HIKESHI: variants seen among roughly 807,000 people sequenced by gnomAD.
HIKESHI encodes the protein protein Hikeshi.
Under a neutral mutation model 25.7 loss-of-function variants are expected in HIKESHI, and 13 were observed. The observed-to-expected ratio is 0.51, with a 90% confidence interval of 0.33 to 0.80. The LOEUF (loss-of-function observed/expected upper bound fraction) is 0.80. HIKESHI is among the 30% of genes least tolerant of loss of function. The probability of loss-of-function intolerance (pLI) is 0.02; values close to 1 mark genes in which losing one functional copy is unlikely to be tolerated. For missense variants in HIKESHI, 174 were observed against 229.5 expected (o/e 0.76, Z 1.56); for synonymous variants, 76 against 78.7 (o/e 0.97, Z 0.18).
chr11:86,305,540 C>T (rs1946601125), intron 1 of HIKESHI, among the ~76,000 whole-genome samples: 1 of 151,708 alleles, frequency 6.6e-6, no homozygotes, highest in South Asian at 2.1e-4. Context: ...GCACGTGCCA[C>T]CACGCTTGGC....
chr11:86,310,613 G>A (rs576618061), intron 2 of HIKESHI, among the ~76,000 whole-genome samples: 43 of 152,310 alleles, frequency 2.8e-4, no homozygotes, highest in African/African-American at 1.0e-3. Flanking sequence ...AATAGGAGGG[G>A]TGAGAGAGGG....
intron 4 of HIKESHI, 188 bp downstream of exon 4, chr11:86,344,909 A>G (rs988598290): frequency 4.1e-5 from 22 of 533,968 alleles, no homozygotes; most frequent in Non-Finnish European, 6.6e-5. Flanking sequence ...ATTTTGTTAT[A>G]TTGTCGCCAT....
intron 3 of HIKESHI, among the ~76,000 whole-genome samples, chr11:86,339,275 C>T (rs1947656429): frequency 6.6e-6 from 1 of 152,196 alleles, no homozygotes; most frequent in South Asian, 2.1e-4. Context: ...GTCTCGATCT[C>T]CTGACCTCGT....
intron 2 of HIKESHI, among the ~76,000 whole-genome samples, chr11:86,317,038 C>T (rs541070894): frequency 5.9e-5 from 9 of 151,972 alleles, no homozygotes; most frequent in Middle Eastern, 3.4e-3. Flanking sequence ...GTGATCCACC[C>T]GTCTTGGCCT....
rs1201938172 is a variant in HIKESHI, at chr11:86,307,391, TG to T, written c.268+910del. On this transcript the variant is annotated intron_variant, in intron 2 of 4. Transcript: ENST00000278483. The stretch of plus-strand genomic sequence containing the variant: ...ATATACATTATATATCAATATATTA[TG>T]TGTAATATACATTATATATCAATAT... 1.6e-5 allele frequency among the ~76,000 whole-genome samples: 2 copies of T among 125,694 alleles called. 1 individual carries two copies. Among genetic ancestry groups the T allele is most frequent in the Non-Finnish European group, 3.2e-5 (2 of 63,096 alleles). The allele number at this position is 125,694 out of a possible 152,430, so 82.5% of individuals were successfully genotyped here. A position where few individuals can be genotyped will look rare whatever the true frequency, so the allele number is the denominator to read the frequency against.
chr11:86,303,017 G>C (rs148545877), intron 1 of HIKESHI, among the ~76,000 whole-genome samples: 8 of 152,244 alleles, frequency 5.3e-5, no homozygotes, highest in African/African-American at 1.9e-4. Flanking sequence ...AATTTAATTG[G>C]AAGTTGGCTG....
At chr11:86,311,476 G>A (rs552852261) in intron 2 of HIKESHI, among the ~76,000 whole-genome samples, 1 of 152,064 alleles carries the variant, frequency 6.6e-6, no homozygotes, top group South Asian at 2.1e-4. Context: ...TCTTGCTAGT[G>A]GTCTATGTAT....
At chr11:86,326,911 G>A (rs569878699) in intron 2 of HIKESHI, among the ~76,000 whole-genome samples, 208 of 152,148 alleles carry the variant, frequency 1.4e-3, no homozygotes, top group Non-Finnish European at 2.0e-3. Context: ...TTGTAAGCAA[G>A]TGTTTGAGCA....
chr11:86,309,729 T>C (rs988968415), intron 2 of HIKESHI, among the ~76,000 whole-genome samples: 39 of 152,214 alleles, frequency 2.6e-4, no homozygotes, highest in African/African-American at 8.9e-4. Flanking sequence ...CTTTAATCTA[T>C]CCTGAATTAA....
intron 1 of HIKESHI, among the ~76,000 whole-genome samples, chr11:86,305,774 C>G (rs1054163215): frequency 6.6e-6 from 1 of 151,446 alleles, no homozygotes; most frequent in Non-Finnish European, 1.5e-5. Flanking sequence ...CAGTTTTGCT[C>G]TTGTTGCCCA....
Position 86,307,635 on chromosome 11 carries a change from CATTATATATA to C in HIKESHI, c.268+1155_268+1164del, listed in dbSNP as rs1565719459. On this transcript the variant is annotated intron_variant, in intron 2 of 4. Transcript: ENST00000278483. ...TAAAATATATATTATGTGTAGTATA[CATTATATATA>C]AAATATATATTATGTGTAGTATACA... Among the ~76,000 whole-genome samples the C allele has an allele frequency of 3.3e-3, 300 of 90,658 alleles. 46 individuals are homozygous for C. The highest frequency in any genetic ancestry group is 6.5e-3 in the African/African-American group (162 of 24,982). 59.5% of individuals were successfully genotyped at this position (90,658 alleles called of 152,430 possible). A position where few individuals can be genotyped will look rare whatever the true frequency, so the allele number is the denominator to read the frequency against.
chr11:86,310,597 A>G (rs972798738), intron 2 of HIKESHI, among the ~76,000 whole-genome samples: 10 of 152,150 alleles, frequency 6.6e-5, no homozygotes, highest in African/African-American at 2.4e-4. Flanking sequence ...TTCCAACACT[A>G]TGTTGAATAG....
intron 3 of HIKESHI, among the ~76,000 whole-genome samples, chr11:86,341,445 T>C (rs139287251): frequency 2.7e-4 from 41 of 152,184 alleles, no homozygotes; most frequent in Admixed American, 2.1e-3. Context: ...TTTAAACATA[T>C]CAGTTTCAAA....
At chr11:86,334,244 G>A (rs1947489709) in intron 2 of HIKESHI, among the ~76,000 whole-genome samples, 1 of 97,840 alleles carries the variant, frequency 1.0e-5, no homozygotes, top group African/African-American at 5.2e-5. Flanking sequence ...ATATGTGTGT[G>A]TGTGTGTGTG....
At chr11:86,344,833 T>C in intron 4 of HIKESHI, 112 bp downstream of exon 4, 1 of 758,382 alleles carries the variant, frequency 1.3e-6, no homozygotes, top group Admixed American at 2.2e-5. Flanking sequence ...ATTGTGAACA[T>C]CAGCACTGCA....
At chr11:86,337,744 G>T (rs369678376) in intron 3 of HIKESHI, among the ~76,000 whole-genome samples, 6 of 152,088 alleles carry the variant, frequency 3.9e-5, no homozygotes, top group African/African-American at 1.4e-4. Flanking sequence ...TGCAATTTCC[G>T]CCTCCCGGGT....
Position 86,337,547 on chromosome 11 carries a change from T to G in HIKESHI, c.420+17T>G. ...TTCACTCAGGTAATGCAACATACATTTCATTCTTTACCTCCCCCTCCACTG... is the reference window on the plus strand; with the variant it reads ...TTCACTCAGGTAATGCAACATACATGTCATTCTTTACCTCCCCCTCCACTG... On this transcript the variant is annotated intron_variant, in intron 3 of 4. Transcript: ENST00000278483. The G allele has an allele frequency of 6.2e-7, 1 of 1,606,730 alleles. No homozygotes were observed. Among genetic ancestry groups the G allele is most frequent in the Non-Finnish European group, 8.5e-7 (1 of 1,176,964 alleles).
intron 2 of HIKESHI, among the ~76,000 whole-genome samples, chr11:86,308,298 A>AAT (rs1234855412): frequency 0.045 from 972 of 21,728 alleles, 22 homozygotes; most frequent in South Asian, 0.079. Context: ...TATTACATAT[A>AAT]ATATATATTA....
intron 2 of HIKESHI, among the ~76,000 whole-genome samples, chr11:86,308,392 T>G (rs981986441): frequency 7.0e-6 from 1 of 142,298 alleles, no homozygotes; most frequent in Non-Finnish European, 1.5e-5. Context: ...ATAAAAAATA[T>G]ATACACACAC....
Sources: allele counts gnomAD v4.1 joint callset (sites outside exome capture counted in the v4.1 genomes callset), GRCh38; gene constraint gnomAD v4.1.1; transcripts MANE v1.5; gene names NCBI Gene and HGNC (gene_info 2026-07-23, HGNC 2026-07-21).